The following ZNF618 variants were observed in gnomAD, a reference collection of about 807,000 sequenced individuals.
ZNF618 encodes zinc finger protein 618.
A neutral mutation model predicts 103.0 loss-of-function variants in ZNF618; 34 were observed. The ratio of observed to expected loss-of-function variants is 0.33; its 90% CI spans 0.25 to 0.44. The LOEUF (loss-of-function observed/expected upper bound fraction) is 0.44. ZNF618 is among the 20% of genes least tolerant of loss of function. The pLI is 1.00. For missense variants in ZNF618, 1,059 were observed against 1,295.4 expected (o/e 0.82, Z 2.80); for synonymous variants, 551 against 542.2 (o/e 1.02, Z -0.23).
intron 12 of ZNF618, among the ~76,000 whole-genome samples, chr9:114,035,666 G>C (rs1295674903): frequency 1.3e-5 from 2 of 151,454 alleles, no homozygotes; most frequent in Non-Finnish European, 2.9e-5. Flanking sequence ...ACTGACGTGA[G>C]TGCTAAGAGT....
At chr9:113,953,970 G>T (rs560838609) in intron 1 of ZNF618, among the ~76,000 whole-genome samples, 4 of 152,302 alleles carry the variant, frequency 2.6e-5, no homozygotes, top group African/African-American at 7.2e-5. Flanking sequence ...TGCCCCTGTG[G>T]CCTGGAGGAG....
intron 14 of ZNF618, among the ~76,000 whole-genome samples, 166 bp downstream of exon 14, chr9:114,048,160 C>T (rs1845822092): frequency 6.6e-6 from 1 of 152,196 alleles, no homozygotes; most frequent in Admixed American, 6.5e-5. Flanking sequence ...GAGTTCTTAA[C>T]TCAGGGGATG....
intron 10 of ZNF618, 141 bp from the exon 11 acceptor site, chr9:114,028,592 T>G: frequency 1.6e-6 from 2 of 1,243,840 alleles, no homozygotes; most frequent in Non-Finnish European, 1.1e-6. Context: ...CTGAGTTAAG[T>G]GAGAATCCTT....
chr9:114,031,528 C>T (rs1483324429), intron 11 of ZNF618, among the ~76,000 whole-genome samples: 2 of 152,240 alleles, frequency 1.3e-5, no homozygotes, highest in Non-Finnish European at 2.9e-5. Flanking sequence ...AAACTAAGCA[C>T]TTGCTCTTCC....
In ZNF618 at chr9:113,925,443, C is replaced by CTT. The variant is rs377142337; in HGVS notation, c.34-43662_34-43661dup. 1.9e-4 allele frequency among the ~76,000 whole-genome samples: 23 copies of CTT among 118,884 alleles called. 1 individual carries two copies. Among genetic ancestry groups the CTT allele is most frequent in the Admixed American group, 4.1e-4 (5 of 12,330 alleles). The allele number at this position is 118,884 out of a possible 152,430, so 78.0% of individuals were successfully genotyped here. A position where few individuals can be genotyped will look rare whatever the true frequency, so the allele number is the denominator to read the frequency against. Reference sequence around the variant, plus strand: ...ATAGACAGCATGTAGTTAGTTGGGTCTTTTTTTTTTTTTCAATCCTTTCTG... The same window carrying CTT: ...ATAGACAGCATGTAGTTAGTTGGGTCTTTTTTTTTTTTTTTCAATCCTTTCTG... On this transcript the variant is annotated intron_variant, in intron 1 of 14. Transcript: ENST00000374126.
At chr9:113,951,480 C>T (rs1487026401) in intron 1 of ZNF618, among the ~76,000 whole-genome samples, 52 of 60,760 alleles carry the variant, frequency 8.6e-4, no homozygotes, top group South Asian at 2.1e-3. Flanking sequence ...TGTATGTGTA[C>T]ACATATATGT....
chr9:113,999,394 C>T (rs897012653), intron 4 of ZNF618, among the ~76,000 whole-genome samples: 1 of 151,760 alleles, frequency 6.6e-6, no homozygotes, highest in Admixed American at 6.6e-5. Flanking sequence ...CTGGGTTTTA[C>T]GCTGCATGAG....
chr9:113,885,623 G>T (rs571176199), intron 1 of ZNF618, among the ~76,000 whole-genome samples: 1 of 152,294 alleles, frequency 6.6e-6, no homozygotes, highest in African/African-American at 2.4e-5. Context: ...TATGTGGCCT[G>T]CCTAGCCCTG....
chr9:113,927,746 G>A (rs536447075), intron 1 of ZNF618, among the ~76,000 whole-genome samples: 5 of 152,150 alleles, frequency 3.3e-5, no homozygotes, highest in African/African-American at 1.2e-4. Context: ...TTTCCCTTGA[G>A]GGCAGGCTTT....
intron 6 of ZNF618, among the ~76,000 whole-genome samples, chr9:114,003,842 G>C (rs182615190): frequency 5.3e-5 from 8 of 152,332 alleles, no homozygotes; most frequent in Admixed American, 5.2e-4. Context: ...CAGAGGGCCA[G>C]ATGGTAAGTA....
intron 1 of ZNF618, among the ~76,000 whole-genome samples, chr9:113,919,994 C>T (rs1438698609): frequency 6.6e-6 from 1 of 152,222 alleles, no homozygotes; most frequent in Non-Finnish European, 1.5e-5. Flanking sequence ...GCCTGGGCTA[C>T]ACAGGGGCCT....
chr9:113,946,220 C>G (rs1835017177), intron 1 of ZNF618, among the ~76,000 whole-genome samples: 1 of 152,178 alleles, frequency 6.6e-6, no homozygotes, highest in Non-Finnish European at 1.5e-5. Context: ...CTCACGGAAA[C>G]CTGGGGTGTT....
chr9:113,914,326 C>G (rs1831855123), intron 1 of ZNF618, among the ~76,000 whole-genome samples: 1 of 152,178 alleles, frequency 6.6e-6, no homozygotes, highest in African/African-American at 2.4e-5. Flanking sequence ...CCAAGAGCCT[C>G]TTTTGGTTCC....
At chr9:114,045,961 T>C (rs1845614731) in intron 13 of ZNF618, among the ~76,000 whole-genome samples, 1 of 152,126 alleles carries the variant, frequency 6.6e-6, no homozygotes, top group Admixed American at 6.5e-5. Context: ...TAAAATTTAA[T>C]GGTAAGTAAT....
intron 1 of ZNF618, among the ~76,000 whole-genome samples, chr9:113,905,407 C>T (rs1435282778): frequency 6.6e-6 from 1 of 152,128 alleles, no homozygotes; most frequent in Non-Finnish European, 1.5e-5. Context: ...AAACTACAGG[C>T]CAAATATGGG....
intron 3 of ZNF618, among the ~76,000 whole-genome samples, chr9:113,993,450 G>A (rs1370165835): frequency 1.3e-5 from 2 of 152,220 alleles, no homozygotes; most frequent in Non-Finnish European, 2.9e-5. Flanking sequence ...GATAAGGCAA[G>A]TTGGGTTTAC....
rs372842478 is a variant in ZNF618, at chr9:113,881,312, A to G, written c.33+4899A>G. On this transcript the variant is annotated intron_variant, in intron 1 of 14. Coordinates refer to ENST00000374126, the MANE Select transcript of ZNF618 (RefSeq NM_001318042.2). ...CCAGAATTTCTGTCTTAGTCTCCTC[A>G]TCTTTTAAATGTGTCAGGTCAGCGC... Among the ~76,000 whole-genome samples the G allele has an allele frequency of 4.6e-5, 7 of 152,256 alleles. No individual in the cohort carries two copies. The East Asian group carries it at 1.3e-3, about 29-fold the overall frequency.
At chr9:113,895,983 C>T (rs1830003198) in intron 1 of ZNF618, among the ~76,000 whole-genome samples, 1 of 151,982 alleles carries the variant, frequency 6.6e-6, no homozygotes, top group African/African-American at 2.4e-5. Context: ...TTGCATAGAA[C>T]AGAATATAAT....
intron 1 of ZNF618, among the ~76,000 whole-genome samples, chr9:113,938,522 A>G (rs1452406421): frequency 6.8e-6 from 1 of 147,360 alleles, no homozygotes; most frequent in Non-Finnish European, 1.5e-5. Flanking sequence ...AGTGTTTTGT[A>G]GTGTTATTTG....
Sources: gnomAD v4.1 joint callset for allele counts (sites outside exome capture counted in the v4.1 genomes callset) on GRCh38, gnomAD v4.1.1 for gene constraint, MANE v1.5 for transcripts, NCBI Gene and HGNC (gene_info 2026-07-23, HGNC 2026-07-21) for gene names.